The following GPR176 variants were observed in gnomAD, a reference collection of about 807,000 sequenced individuals.
GPR176 encodes G-protein coupled receptor 176.
GPR176 carries 26 observed loss-of-function variants against 35.4 expected under a neutral mutation model. That is an observed-to-expected ratio of 0.74 (90% CI 0.54 to 1.02). The LOEUF is 1.02. Among genes scored for constraint, GPR176 ranks in the 50% least tolerant of loss-of-function variants. The pLI is 0.00. For missense variants in GPR176, 597 were observed against 665.3 expected, an observed-to-expected ratio of 0.90 and a Z score of 1.13; for synonymous variants, 278 against 271.3, an observed-to-expected ratio of 1.02 and a Z score of -0.24.
At chr15:39,828,214 T>C (rs1304635838) in intron 1 of GPR176, among the ~76,000 whole-genome samples, 2 of 152,186 alleles carry the variant, frequency 1.3e-5, no homozygotes, top group African/African-American at 2.4e-5. Flanking sequence ...ATGCTGTGGT[T>C]GCTTTCCAGC....
chr15:39,862,472 G>C (rs776927879), intron 1 of GPR176: 6 of 152,138 alleles, frequency 3.9e-5, no homozygotes, highest in Non-Finnish European at 8.8e-5. Flanking sequence ...AAAGTCAGTG[G>C]ACCACTACAG....
At chr15:39,839,122 T>G (rs868250858) in intron 1 of GPR176, among the ~76,000 whole-genome samples, 1 of 152,166 alleles carries the variant, frequency 6.6e-6, no homozygotes, top group Non-Finnish European at 1.5e-5. Context: ...CTTCACAGAA[T>G]TGGAAAAAAC....
chr15:39,814,070 C>G (rs938868605), intron 1 of GPR176, among the ~76,000 whole-genome samples: 4 of 152,138 alleles, frequency 2.6e-5, no homozygotes, highest in Non-Finnish European at 4.4e-5. Context: ...TTGGTTTCCC[C>G]AAGTGCTAAA....
At chr15:39,835,248 G>A (rs1901325019) in intron 1 of GPR176, among the ~76,000 whole-genome samples, 1 of 151,956 alleles carries the variant, frequency 6.6e-6, no homozygotes. Flanking sequence ...TCGAACTCCT[G>A]ACCTCAGATG....
intron 1 of GPR176, among the ~76,000 whole-genome samples, chr15:39,900,675 A>C (rs2033251261): frequency 6.6e-6 from 1 of 152,194 alleles, no homozygotes; most frequent in Non-Finnish European, 1.5e-5. Context: ...GCCCAGCTGA[A>C]AACAACCTTT....
At chr15:39,899,122 C>A (rs1056795390) in intron 1 of GPR176, among the ~76,000 whole-genome samples, 2 of 152,172 alleles carry the variant, frequency 1.3e-5, no homozygotes, top group Non-Finnish European at 2.9e-5. Flanking sequence ...GCAGGAAATG[C>A]AGAATCCTGG....
intron 1 of GPR176, among the ~76,000 whole-genome samples, chr15:39,872,375 A>G (rs1171078755): frequency 1.3e-5 from 2 of 152,180 alleles, no homozygotes; most frequent in African/African-American, 4.8e-5. Flanking sequence ...GAGAAGGAGG[A>G]GTACAGGCTG....
intron 1 of GPR176, among the ~76,000 whole-genome samples, chr15:39,827,337 C>G (rs1900733580): frequency 6.6e-6 from 1 of 152,122 alleles, no homozygotes; most frequent in Non-Finnish European, 1.5e-5. Flanking sequence ...TTTACTGTGC[C>G]CTCTCCAGAC....
chr15:39,824,059 T>A (rs1900460727), intron 1 of GPR176, among the ~76,000 whole-genome samples: 1 of 151,754 alleles, frequency 6.6e-6, no homozygotes, highest in African/African-American at 2.4e-5. Context: ...GCCATCCCCA[T>A]GGTAATGAAT....
intron 1 of GPR176, among the ~76,000 whole-genome samples, chr15:39,839,155 C>G (rs1470863847): frequency 6.6e-6 from 1 of 152,016 alleles, no homozygotes; most frequent in Admixed American, 6.6e-5. Flanking sequence ...CATATGGAAC[C>G]AAAAAAGAGC....
chr15:39,894,344 TA>T (rs1211198595), intron 1 of GPR176: 1 of 119,134 alleles, frequency 8.4e-6, no homozygotes, highest in Non-Finnish European at 2.0e-5. Context: ...ACGGGGCGGC[TA>T]GCCTGGCAGG....
intron 1 of GPR176, among the ~76,000 whole-genome samples, chr15:39,847,601 G>T (rs540233429): frequency 6.6e-6 from 1 of 152,074 alleles, no homozygotes; most frequent in African/African-American, 2.4e-5. Context: ...AAATTAGCCA[G>T]GCATGGTAGC....
In GPR176 at chr15:39,897,308, C is replaced by T. The variant is rs147577768; in HGVS notation, c.172+22547G>A. ...ACAACATGATACAGCAGACACAAAA[C>T]CACACTATAAAAAACTGTTCCTGAA... On this transcript the variant is annotated intron_variant, in intron 1 of 2. Transcript: ENST00000561100. Among the ~76,000 whole-genome samples the T allele has an allele frequency of 1.0e-3, 156 of 152,304 alleles. 1 individual carries two copies. The highest frequency in any genetic ancestry group is 7.1e-3 in the East Asian group (37 of 5,186).
In GPR176 at chr15:39,919,986, T is replaced by C; in HGVS notation, c.41A>G (p.Glu14Gly). The C allele has an allele frequency of 6.8e-7, 1 of 1,460,802 alleles. No homozygotes were observed. The highest frequency in any genetic ancestry group is 9.0e-7 in the Non-Finnish European group (1 of 1,105,128). The allele number at this position is 1,460,802 out of a possible 1,614,324, so 90.5% of individuals were successfully genotyped here. The change falls in exon 1 of 3, where the codon GAG (glutamate) becomes GGG (glycine). Residue 14 changes from glutamate (E) to glycine (G), a missense_variant. By Grantham distance (98) the Glu-to-Gly change is moderately conservative. Transcript: ENST00000561100. ...CTCGGCGCCGGACGCGTTGTGCGGC[T>C]CGCTGGCATTTGGAGAGATCCAGCT... ...NGSWISPNAS[E>G]PHNASGAEAA...
chr15:39,876,325 C>T (rs560098596), intron 1 of GPR176, among the ~76,000 whole-genome samples: 1 of 152,236 alleles, frequency 6.6e-6, no homozygotes, highest in Non-Finnish European at 1.5e-5. Flanking sequence ...AGATGCTACA[C>T]TTCAGGGAGA....
At chr15:39,842,766 A>C (rs1432126654) in intron 1 of GPR176, among the ~76,000 whole-genome samples, 2 of 152,078 alleles carry the variant, frequency 1.3e-5, no homozygotes, top group African/African-American at 2.4e-5. Flanking sequence ...TGTTGTTTAC[A>C]AGCCACCTAG....
rs1316982998 is a variant in GPR176, at chr15:39,801,001, T to C, written c.*131A>G. ...TAGATTTCCCTATCATTCAAAAGCA[T>C]CTGGCCCATATTGGAGGAATCAACT... On this transcript the variant is annotated 3_prime_UTR_variant, in exon 3 of 3. Transcript: ENST00000561100. 2 of 743,472 alleles carry C rather than the reference T, an allele frequency of 2.7e-6. No homozygotes were observed. The highest frequency in any genetic ancestry group is 4.9e-5 in the East Asian group (2 of 40,574). 46.1% of individuals were successfully genotyped at this position (743,472 alleles called of 1,614,324 possible).
At chr15:39,872,935 G>A (rs1273930475) in intron 1 of GPR176, among the ~76,000 whole-genome samples, 2 of 133,830 alleles carry the variant, frequency 1.5e-5, no homozygotes, top group South Asian at 4.6e-4. Flanking sequence ...GTGTGTGTGT[G>A]TGTGTGTGTG....
At chr15:39,863,714 A>C (rs903648482) in intron 1 of GPR176, among the ~76,000 whole-genome samples, 9 of 152,188 alleles carry the variant, frequency 5.9e-5, no homozygotes, top group Non-Finnish European at 1.2e-4. Context: ...ATACAAGTGT[A>C]CCATTTTTTA....
Sources: allele counts gnomAD v4.1 joint callset (sites outside exome capture counted in the v4.1 genomes callset), GRCh38; gene constraint gnomAD v4.1.1; transcripts MANE v1.5; gene names NCBI Gene and HGNC (gene_info 2026-07-23, HGNC 2026-07-21).